IGSF9B: variants seen among roughly 807,000 people sequenced by gnomAD.
The protein encoded by IGSF9B is immunoglobulin superfamily member 9B, also known as protein turtle homolog B.
In IGSF9B, 48 loss-of-function variants were observed where a neutral mutation model predicts 143.7. The ratio of observed to expected loss-of-function variants is 0.33; its 90% CI spans 0.26 to 0.42. The LOEUF (loss-of-function observed/expected upper bound fraction) is 0.42. Ranked by LOEUF, IGSF9B falls within the 20% of genes least tolerant of loss-of-function variation. The pLI is 1.00. For missense variants in IGSF9B, 1,706 were observed against 1,980.0 expected, an observed-to-expected ratio of 0.86 and a Z score of 2.63; for synonymous variants, 903 against 833.1, an observed-to-expected ratio of 1.08 and a Z score of -1.44.
chr11:133,947,520 C>T (rs1354117818), intron 1 of IGSF9B, among the ~76,000 whole-genome samples: 1 of 152,212 alleles, frequency 6.6e-6, no homozygotes, highest in Non-Finnish European at 1.5e-5. Flanking sequence ...GGGACTCCCG[C>T]AGGGGAGGAT....
rs329637 is a variant in IGSF9B at position 133,935,690 on chromosome 11, C to T, written c.894G>A (p.Ser298=). Residue 298 remains serine (S), a synonymous_variant, in exon 7 of 20, where the codon TCG becomes TCA. Coordinates refer to ENST00000533871, the MANE Select transcript of IGSF9B (RefSeq NM_001277285.4). The stretch of plus-strand genomic sequence containing the variant: ...TGCTGGGCACACAGGTGTACTTCCC[C>T]GAGTCCTCCGGCTTCACCCGGAAGA... ...LIIFRVKPED[S]GKYTCVPSNS... 0.41 allele frequency: 653,653 copies of T among 1,608,492 alleles called. 137,305 individuals are homozygous for T. Among genetic ancestry groups the T allele is most frequent in the Non-Finnish European group, 0.43 (507,236 of 1,177,432 alleles).
Position 133,921,216 on chromosome 11 carries a change from C to A in IGSF9B, c.2509G>T (p.Ala837Ser). The change falls in exon 18 of 20, where the codon GCA becomes TCA. Residue 837 changes from alanine (A) to serine (S), a missense_variant. Physicochemically the swap from Ala to Ser is moderately conservative, Grantham distance 99. Transcript: ENST00000533871. Reference sequence around the variant, plus strand: ...GTGGTGGCCTCTGCCTCGGCCTCTGCCTTGGCCACGCTGTACTTCTTGCTG... The same window carrying A: ...GTGGTGGCCTCTGCCTCGGCCTCTGACTTGGCCACGCTGTACTTCTTGCTG... The part of the protein sequence containing the change: ...ISSKKYSVAK[A>S]EAEAEATTPI... 1 of 1,609,818 alleles carries A rather than the reference C, an allele frequency of 6.2e-7. No homozygotes were observed. The highest frequency in any genetic ancestry group is 8.5e-7 in the Non-Finnish European group (1 of 1,178,264).
chr11:133,923,277 A>G (rs1939574083), intron 15 of IGSF9B, among the ~76,000 whole-genome samples: 1 of 152,214 alleles, frequency 6.6e-6, no homozygotes, highest in South Asian at 2.1e-4. Flanking sequence ...CTTGAGGATA[A>G]AATACGACTG....
chr11:133,938,830 T>C (rs1939872398), intron 3 of IGSF9B, among the ~76,000 whole-genome samples: 1 of 152,180 alleles, frequency 6.6e-6, no homozygotes, highest in Admixed American at 6.5e-5. Flanking sequence ...GCCTGCCACT[T>C]CTGGTAGGCT....
intron 3 of IGSF9B, among the ~76,000 whole-genome samples, chr11:133,942,527 C>T (rs1304817451): frequency 6.6e-6 from 1 of 152,228 alleles, no homozygotes; most frequent in Non-Finnish European, 1.5e-5. Context: ...CGCACGTCCA[C>T]TGAATGCCTG....
At chr11:133,937,150 G>A (rs1939839534) in intron 5 of IGSF9B, among the ~76,000 whole-genome samples, 1 of 152,196 alleles carries the variant, frequency 6.6e-6, no homozygotes, top group African/African-American at 2.4e-5. Flanking sequence ...GCCACGCCAT[G>A]TGGTGCCTGG....
Position 133,920,567 on chromosome 11 carries a change from G to A in IGSF9B, c.3158C>T (p.Pro1053Leu). 1 of 1,613,172 alleles carries A rather than the reference G, an allele frequency of 6.2e-7. No individual in the cohort carries two copies. The highest frequency in any genetic ancestry group is 8.5e-7 in the Non-Finnish European group (1 of 1,179,630). Residue 1053 changes from proline to leucine, a missense_variant, in exon 18 of 20, where the codon CCA (proline) becomes CTA (leucine). Physicochemically the swap from Pro to Leu is moderately conservative, Grantham distance 98 (BLOSUM62 -3). Coordinates refer to ENST00000533871, the MANE Select transcript of IGSF9B (RefSeq NM_001277285.4). ...PEFPFGGLET[P>L]AMMFPHQLPP... ...CAGCTGGTGGGGGAACATCATCGCT[G>A]GGGTCTCCAGCCCCCCGAAGGGGAA...
In IGSF9B at chr11:133,909,285, G is replaced by T. The variant is rs1939264857; in HGVS notation, c.4106-8C>A. The stretch of plus-strand genomic sequence containing the variant: ...TCTGGGAGGCAGAATCGTCTAGGAA[G>T]AAAGGAAGAGGGACGCAAAAGAGAA... On this transcript the variant is annotated splice_region_variant and splice_polypyrimidine_tract_variant and intron_variant, in intron 19 of 19. Coordinates refer to ENST00000533871, the MANE Select transcript of IGSF9B (RefSeq NM_001277285.4). This position sits in a 1 kb window ranked among gnomAD's most constrained non-coding sequence, Gnocchi z 4.2. 9 of 1,534,160 alleles carry T rather than the reference G, an allele frequency of 5.9e-6. No homozygotes were observed. Among genetic ancestry groups the T allele is most frequent in the Non-Finnish European group, 7.9e-6 (9 of 1,145,178 alleles).
rs1232865212 is a variant in IGSF9B, at chr11:133,920,196, G to A, written c.3529C>T (p.Pro1177Ser). 4 of 1,513,932 alleles carry A rather than the reference G, an allele frequency of 2.6e-6. No homozygotes were observed. The highest frequency in any genetic ancestry group is 2.3e-5 in the Admixed American group (1 of 44,228). The allele number at this position is 1,513,932 out of a possible 1,614,324, so 93.8% of individuals were successfully genotyped here. Residue 1177 changes from proline (P) to serine (S), a missense_variant, in exon 18 of 20, where the codon CCC becomes TCC. By Grantham distance (74) the Pro-to-Ser change is moderately conservative. Transcript: ENST00000533871. ...CTGGCCTGCCGAGGGCTAGGCCGGG[G>A]CCGGGGCTGGGGCTCATACCACCGG... ...DTRWYEPQPR[P>S]RPSPRQARRA...
intron 3 of IGSF9B, among the ~76,000 whole-genome samples, chr11:133,943,129 A>G (rs996038546): frequency 1.3e-5 from 2 of 152,190 alleles, no homozygotes; most frequent in African/African-American, 4.8e-5. Flanking sequence ...CAATTTCTCT[A>G]TTCTAACCAC....
In IGSF9B at chr11:133,897,601, A is replaced by G. The variant is rs1939041948; in HGVS notation, c.*11468T>C. The G allele has an allele frequency of 6.6e-6, 1 of 152,216 alleles. No homozygotes were observed. Among genetic ancestry groups the G allele is most frequent in the African/African-American group, 2.4e-5 (1 of 41,456 alleles). 9.4% of individuals were successfully genotyped at this position (152,216 alleles called of 1,614,324 possible). ...GGTGATAGAGCAGGGAGCTCCTCAC[A>G]GACAGGTTATACAGAGTGTAGAATA... is the stretch of plus-strand genomic sequence containing the variant. On this transcript the variant is annotated 3_prime_UTR_variant, in exon 20 of 20. Coordinates refer to ENST00000533871, the MANE Select transcript of IGSF9B (RefSeq NM_001277285.4).
In IGSF9B at chr11:133,928,147, G is replaced by T. The variant is rs1229051988; in HGVS notation, c.1632-1056C>A. Among the ~76,000 whole-genome samples the T allele has an allele frequency of 6.6e-6, 1 of 152,072 alleles. No homozygotes were observed. Among genetic ancestry groups the T allele is most frequent in the Non-Finnish European group, 1.5e-5 (1 of 68,012 alleles). On this transcript the variant is annotated intron_variant, in intron 12 of 19. Coordinates refer to ENST00000533871, the MANE Select transcript of IGSF9B (RefSeq NM_001277285.4). This position sits in a 1 kb window ranked among gnomAD's most constrained non-coding sequence, Gnocchi z 4.7. ...CAGGGGAGCCCCAATCTACACCTGA[G>T]CCCCCCATCGTATGCCCAGACCTCC...
rs1324554503 is a variant in IGSF9B, at chr11:133,902,767, C to T, written c.*6302G>A. ...GTTGTTCATGGGAGGCCATATAAAACCTCATTGATAGAGTGGCTGACAACT... is the reference window on the plus strand; with the variant it reads ...GTTGTTCATGGGAGGCCATATAAAATCTCATTGATAGAGTGGCTGACAACT... On this transcript the variant is annotated 3_prime_UTR_variant, in exon 20 of 20. Transcript: ENST00000533871. Among the ~76,000 whole-genome samples the T allele has an allele frequency of 6.6e-6, 1 of 152,162 alleles. No homozygotes were observed. Among genetic ancestry groups the T allele is most frequent in the Non-Finnish European group, 1.5e-5 (1 of 68,028 alleles).
chr11:133,943,564 T>C (rs1297054077), intron 3 of IGSF9B, among the ~76,000 whole-genome samples: 1 of 152,138 alleles, frequency 6.6e-6, no homozygotes, highest in Non-Finnish European at 1.5e-5. Flanking sequence ...ACCCAGATCC[T>C]TGAAAAGCAT....
Position 133,918,426 on chromosome 11 carries a change from GGGA to G in IGSF9B, c.3983+1313_3983+1315del, listed in dbSNP as rs1266091762. ...ACAGGCGAGGCCGGAGCGTGGGGGA[GGGA>G]GGAGGAGAGAGACGGAGACCCAGAC... On this transcript the variant is annotated intron_variant, in intron 18 of 19. Coordinates refer to ENST00000533871, the MANE Select transcript of IGSF9B (RefSeq NM_001277285.4). Among the ~76,000 whole-genome samples the G allele has an allele frequency of 1.8e-4, 28 of 152,264 alleles. No homozygotes were observed. In the East Asian group the frequency reaches 5.2e-3, roughly 29 times the overall value.
chr11:133,928,185 T>G lies in IGSF9B; in HGVS notation c.1632-1094A>C, dbSNP rs1019113246. Among the ~76,000 whole-genome samples, 3 of 151,932 alleles carry G rather than the reference T, an allele frequency of 2.0e-5. No homozygotes were observed. The highest frequency in any genetic ancestry group is 7.3e-5 in the African/African-American group (3 of 41,364). On this transcript the variant is annotated intron_variant, in intron 12 of 19. Coordinates refer to ENST00000533871, the MANE Select transcript of IGSF9B (RefSeq NM_001277285.4). The surrounding 1 kb of genome is among the most constrained non-coding windows in gnomAD (Gnocchi z 4.7). ...TGCCCAGACCTCCCACCCAGGCATC[T>G]CCAAAGACAGCTTGACCACACCAAA...
intron 3 of IGSF9B, among the ~76,000 whole-genome samples, chr11:133,942,853 T>G (rs1203123695): frequency 6.6e-6 from 1 of 152,180 alleles, no homozygotes; most frequent in Admixed American, 6.5e-5. Flanking sequence ...CTCTTGGGAC[T>G]GATTGACAGG....
rs1053619269 is a variant in IGSF9B at position 133,940,098 on chromosome 11, C to T, written c.410-2137G>A. Among the ~76,000 whole-genome samples the T allele has an allele frequency of 1.3e-4, 18 of 139,506 alleles. 1 individual carries two copies. Among genetic ancestry groups the T allele is most frequent in the African/African-American group, 4.5e-4 (17 of 37,518 alleles). The allele number at this position is 139,506 out of a possible 152,430, so 91.5% of individuals were successfully genotyped here. A position where few individuals can be genotyped will look rare whatever the true frequency, so the allele number is the denominator to read the frequency against. ...CATACACCTTGCACGTCCCCGCACG[C>T]ATCATCACATAAACATACACCTCGC... On this transcript the variant is annotated intron_variant, in intron 3 of 19. Coordinates refer to ENST00000533871, the MANE Select transcript of IGSF9B (RefSeq NM_001277285.4).
In IGSF9B at chr11:133,920,934, G is replaced by A. The variant is rs369321654; in HGVS notation, c.2791C>T (p.Arg931Trp). The part of the protein sequence containing the change: ...SYLPPPAYSP[R>W]FQPRGLEGPG... The stretch of plus-strand genomic sequence containing the variant: ...CCCTCCAGCCCGCGGGGCTGGAACC[G>A]AGGGCTGTATGCTGGTGGTGGCAGG... The change falls in exon 18 of 20, where the codon CGG (arginine) becomes TGG (tryptophan). Residue 931 changes from arginine (R) to tryptophan (W), a missense_variant. Physicochemically the swap from Arg to Trp is moderately radical, Grantham distance 101 (BLOSUM62 -3). Coordinates refer to ENST00000533871, the MANE Select transcript of IGSF9B (RefSeq NM_001277285.4). The A allele has an allele frequency of 9.3e-6, 15 of 1,610,362 alleles. No individual in the cohort carries two copies. The highest frequency in any genetic ancestry group is 1.1e-5 in the Non-Finnish European group (13 of 1,178,638).
Sources: gnomAD v4.1 joint callset for allele counts (sites outside exome capture counted in the v4.1 genomes callset) on GRCh38, gnomAD v4.1.1 for gene constraint, Gnocchi (gnomAD v3.1) non-coding constraint, MANE v1.5 for transcripts, NCBI Gene and HGNC (gene_info 2026-07-23, HGNC 2026-07-21) for gene names.